The following P4HA1 variants were observed in gnomAD, a reference collection of about 807,000 sequenced individuals.
P4HA1 encodes the protein prolyl 4-hydroxylase subunit alpha 1.
A neutral mutation model predicts 72.8 loss-of-function variants in P4HA1; 24 were observed. That is an observed-to-expected ratio of 0.33 (90% CI 0.24 to 0.46). The LOEUF is 0.46. Among genes scored for constraint, P4HA1 ranks in the 20% least tolerant of loss-of-function variants. P4HA1 has a pLI of 1.00. For missense variants in P4HA1, 446 were observed against 640.6 expected, an observed-to-expected ratio of 0.70 and a Z score of 3.28; for synonymous variants, 201 against 218.8, an observed-to-expected ratio of 0.92 and a Z score of 0.72.
At chr10:73,066,808 C>T (rs1841434455) in intron 5 of P4HA1, among the ~76,000 whole-genome samples, 1 of 152,152 alleles carries the variant, frequency 6.6e-6, no homozygotes, top group Admixed American at 6.5e-5. Context: ...TGGCATTTCC[C>T]CTGCTGGCCC....
At chr10:73,061,127 A>C (rs923249804) in intron 5 of P4HA1, among the ~76,000 whole-genome samples, 1 of 152,222 alleles carries the variant, frequency 6.6e-6, no homozygotes. Context: ...ACTTAAGGAG[A>C]ACTTTATATG....
chr10:73,058,607 A>G (rs1651892700), intron 5 of P4HA1, among the ~76,000 whole-genome samples: 3 of 152,094 alleles, frequency 2.0e-5, no homozygotes, highest in Non-Finnish European at 4.4e-5. Flanking sequence ...AAGTTTCCCA[A>G]TAAATCATCC....
chr10:73,037,319 A>AAC, intron 9 of P4HA1, among the ~76,000 whole-genome samples: 1 of 150,370 alleles, frequency 6.7e-6, no homozygotes, highest in East Asian at 1.9e-4. Context: ...AAAAAAAAAA[A>AAC]AAAAAAACTT....
chr10:73,050,925 T>C, intron 7 of P4HA1, 128 bp downstream of exon 7: 1 of 773,328 alleles, frequency 1.3e-6, no homozygotes, highest in Non-Finnish European at 2.2e-6. Context: ...CATACTGTAA[T>C]ATTTTATGCA....
chr10:73,079,759 TAAATAACAATAAAAATAA>T (rs1048223675), intron 1 of P4HA1, among the ~76,000 whole-genome samples: 8 of 151,824 alleles, frequency 5.3e-5, no homozygotes, highest in African/African-American at 1.9e-4. Context: ...AATAAATAAA[TAAATAACAATAAAAATAA>T]AAATAACGAT....
intron 9 of P4HA1, among the ~76,000 whole-genome samples, chr10:73,042,515 G>A (rs769847272): frequency 2.0e-5 from 3 of 152,096 alleles, no homozygotes; most frequent in Non-Finnish European, 4.4e-5. Flanking sequence ...TATTGAAAAC[G>A]TTGGTAATTT....
chr10:73,073,694 T>C (rs756416556), intron 3 of P4HA1, 37 bp downstream of exon 3: 1 of 933,128 alleles, frequency 1.1e-6, no homozygotes, highest in Non-Finnish European at 1.8e-6. Flanking sequence ...AACATCCAGG[T>C]TGAGTCAGAG....
chr10:73,096,179 A>C (rs904728510), intron 1 of P4HA1, among the ~76,000 whole-genome samples: 8 of 152,224 alleles, frequency 5.3e-5, no homozygotes, highest in Non-Finnish European at 1.2e-4. Context: ...CTGGCAGCTA[A>C]TGCTGCACCG....
intron 10 of P4HA1, among the ~76,000 whole-genome samples, chr10:73,024,133 G>A (rs1840205170): frequency 6.6e-6 from 1 of 152,154 alleles, no homozygotes; most frequent in Non-Finnish European, 1.5e-5. Context: ...GCACTAAGCA[G>A]ACCATTATAA....
At chr10:73,067,477 A>G (rs372203238) in intron 5 of P4HA1, among the ~76,000 whole-genome samples, 1 of 152,284 alleles carries the variant, frequency 6.6e-6, no homozygotes, top group East Asian at 1.9e-4. Flanking sequence ...TCTCCAAGAG[A>G]TGGCTTCTGC....
chr10:73,046,839 G>A lies in P4HA1; in HGVS notation c.1077+86C>T, dbSNP rs149000817. 1.8e-4 allele frequency: 177 copies of A among 969,882 alleles called. No individual in the cohort carries two copies. The African/African-American group carries it at 2.0e-3, about 11-fold the overall frequency. The allele number at this position is 969,882 out of a possible 1,614,324, so 60.1% of individuals were successfully genotyped here. On this transcript the variant is annotated intron_variant, in intron 8 of 14. Transcript: ENST00000394890. ...CTTTAAAAAATCTGTGGCATTATTCGTATATCAATTATCCTATTTTTTTAC... is the reference window on the plus strand; with the variant it reads ...CTTTAAAAAATCTGTGGCATTATTCATATATCAATTATCCTATTTTTTTAC...
At chr10:73,092,475 A>C (rs1251354829) in intron 1 of P4HA1, among the ~76,000 whole-genome samples, 1 of 149,512 alleles carries the variant, frequency 6.7e-6, no homozygotes, top group Non-Finnish European at 1.5e-5. Flanking sequence ...TCAGCCTCCC[A>C]AGTAGTTAGA....
intron 12 of P4HA1, among the ~76,000 whole-genome samples, chr10:73,013,021 C>G (rs1839942610): frequency 6.6e-6 from 1 of 152,126 alleles, no homozygotes; most frequent in Admixed American, 6.5e-5. Flanking sequence ...GTCTCGAACT[C>G]CTGACCTCAA....
chr10:73,011,515 C>A (rs986456672), intron 12 of P4HA1, among the ~76,000 whole-genome samples: 1 of 151,978 alleles, frequency 6.6e-6, no homozygotes, highest in Non-Finnish European at 1.5e-5. Flanking sequence ...AATAAAAATA[C>A]TCAGTTTTGC....
chr10:73,055,902 A>G (rs1166066801), intron 5 of P4HA1, among the ~76,000 whole-genome samples: 2 of 152,236 alleles, frequency 1.3e-5, no homozygotes, highest in South Asian at 2.1e-4. Context: ...AGGTTAACTA[A>G]TATGTCCAAG....
intron 7 of P4HA1, among the ~76,000 whole-genome samples, chr10:73,047,517 T>A (rs1235090876): frequency 4.6e-4 from 67 of 145,400 alleles, no homozygotes; most frequent in African/African-American, 1.7e-3. Flanking sequence ...AAACTAGGTT[T>A]TCCTAAATAC....
intron 1 of P4HA1, among the ~76,000 whole-genome samples, chr10:73,095,991 A>G (rs968960039): frequency 6.6e-6 from 1 of 152,252 alleles, no homozygotes; most frequent in Non-Finnish European, 1.5e-5. Flanking sequence ...GGACTTTTAA[A>G]AGCTGCAAAT....
chr10:73,089,029 C>T (rs558955044), intron 1 of P4HA1, among the ~76,000 whole-genome samples: 1 of 152,044 alleles, frequency 6.6e-6, no homozygotes, highest in South Asian at 2.1e-4. Context: ...ATAAGAAATC[C>T]TCTGAGATTT....
At chr10:73,093,893 TATATATATATATATAC>T (rs200449690) in intron 1 of P4HA1, among the ~76,000 whole-genome samples, 2,224 of 83,102 alleles carry the variant, frequency 0.027, 91 homozygotes, top group East Asian at 0.16. Flanking sequence ...TATATATATA[TATATATATATATATAC>T]ACACACACAC....
Sources: gnomAD v4.1 joint callset for allele counts (sites outside exome capture counted in the v4.1 genomes callset) on GRCh38, gnomAD v4.1.1 for gene constraint, MANE v1.5 for transcripts, NCBI Gene and HGNC (gene_info 2026-07-23, HGNC 2026-07-21) for gene names.